The following ADCK2 variants were observed in gnomAD, a reference collection of about 807,000 sequenced individuals.
ADCK2 encodes the protein aarF domain containing kinase 2, also known as uncharacterized aarF domain-containing protein kinase 2.
In ADCK2, 37 loss-of-function variants were observed where a neutral mutation model predicts 52.3. The ratio of observed to expected loss-of-function variants is 0.71; its 90% confidence interval spans 0.54 to 0.93. The LOEUF is 0.93. Ranked by LOEUF, ADCK2 falls within the 40% of genes least tolerant of loss-of-function variation. The pLI is 0.00. For synonymous variants in ADCK2, 321 were observed against 349.2 expected (o/e 0.92, Z 0.90); for missense variants, 695 against 798.7 (o/e 0.87, Z 1.56).
At chr7:140,694,601 C>T in intron 7 of ADCK2, 62 bp from the exon 8 acceptor site, 2 of 1,521,678 alleles carry the variant, frequency 1.3e-6, no homozygotes, top group South Asian at 2.4e-5. Context: ...AGGTGATTAT[C>T]CAGAACACAC....
At chr7:140,691,982 A>G (rs1794716571) in intron 7 of ADCK2, among the ~76,000 whole-genome samples, 1 of 152,186 alleles carries the variant, frequency 6.6e-6, no homozygotes, top group South Asian at 2.1e-4. Context: ...GGAAGAGGAG[A>G]CAGAGGGCCT....
In ADCK2 at chr7:140,674,583, C is replaced by G. The variant is rs1401893069; in HGVS notation, c.934-28C>G. The G allele has an allele frequency of 6.3e-7, 1 of 1,597,586 alleles. No individual in the cohort carries two copies. Among genetic ancestry groups the G allele is most frequent in the African/African-American group, 1.3e-5 (1 of 74,722 alleles). On this transcript the variant is annotated intron_variant, in intron 1 of 7. Transcript: ENST00000072869. The surrounding 1 kb of genome is among the most constrained non-coding windows in gnomAD (Gnocchi z 4.6). The stretch of plus-strand genomic sequence containing the variant: ...GGTAAAATGTGTCCAGCAGGTTTCT[C>G]CTGTCTCACGGTTCCTCTTTCTGAC...
chr7:140,674,673 C>T lies in ADCK2; in HGVS notation c.996C>T (p.Ser332=), dbSNP rs752532902. The T allele has an allele frequency of 1.2e-6, 2 of 1,614,084 alleles. No individual in the cohort carries two copies. The highest frequency in any genetic ancestry group is 3.3e-5 in the Admixed American group (2 of 60,010). ...HMDLLLMKIG[S]RVLGVLPGIK... The stretch of plus-strand genomic sequence containing the variant: ...ACCTGCTGCTGATGAAGATTGGCAG[C>T]CGAGTCCTGGGAGTTTTGCCAGGCA... Residue 332 remains serine, a synonymous_variant, in exon 2 of 8, where the codon AGC becomes AGT. Transcript: ENST00000072869. The surrounding 1 kb of genome is among the most constrained non-coding windows in gnomAD (Gnocchi z 4.6).
chr7:140,684,554 C>T (rs922782225), intron 4 of ADCK2, among the ~76,000 whole-genome samples: 7 of 152,052 alleles, frequency 4.6e-5, no homozygotes, highest in African/African-American at 1.7e-4. Context: ...GTCTCAGAGG[C>T]GAAGAATCAT....
intron 7 of ADCK2, among the ~76,000 whole-genome samples, 165 bp downstream of exon 7, chr7:140,690,978 T>C (rs183906408): frequency 2.0e-4 from 31 of 152,028 alleles, no homozygotes; most frequent in South Asian, 1.7e-3. Flanking sequence ...CAGGGTGGAG[T>C]GCAGTGGCGC....
chr7:140,685,463 A>G (rs1794589941), intron 4 of ADCK2, among the ~76,000 whole-genome samples: 1 of 152,016 alleles, frequency 6.6e-6, no homozygotes, highest in Non-Finnish European at 1.5e-5. Flanking sequence ...AAAAAAAAAA[A>G]AAATGTATAC....
At chr7:140,682,353 G>C (rs1794531099) in intron 4 of ADCK2, among the ~76,000 whole-genome samples, 1 of 152,190 alleles carries the variant, frequency 6.6e-6, no homozygotes, top group African/African-American at 2.4e-5. Context: ...TGTCTAGAGA[G>C]AATAGCCTTT....
Position 140,693,872 on chromosome 7 carries a change from G to C in ADCK2, c.1741-791G>C, listed in dbSNP as rs1336183032. 6.6e-6 allele frequency among the ~76,000 whole-genome samples: 1 copy of C among 152,072 alleles called. No individual in the cohort carries two copies. Among genetic ancestry groups the C allele is most frequent in the Admixed American group, 6.6e-5 (1 of 15,254 alleles). ...CCACAGGCGCCTGCCACCATGCCCG[G>C]CTGATTTTTTGTATTTTTAGTAGAG... On this transcript the variant is annotated intron_variant, in intron 7 of 7. Transcript: ENST00000072869. This position sits in a 1 kb window ranked among gnomAD's most constrained non-coding sequence, Gnocchi z 4.0.
intron 4 of ADCK2, among the ~76,000 whole-genome samples, chr7:140,685,954 G>C (rs1383541886): frequency 6.6e-6 from 1 of 152,160 alleles, no homozygotes; most frequent in Non-Finnish European, 1.5e-5. Flanking sequence ...TGTCCTTCCT[G>C]CTCCTCTAAT....
At position 140,678,031 on chromosome 7, in the gene ADCK2, C is replaced by T. The variant is rs767488931; in HGVS notation, c.1081-1124C>T. Among the ~76,000 whole-genome samples, 3 of 152,020 alleles carry T rather than the reference C, an allele frequency of 2.0e-5. No individual in the cohort carries two copies. The highest frequency in any genetic ancestry group is 4.4e-5 in the Non-Finnish European group (3 of 68,014). ...GGCCAAATCATGACCCACCTGGATG[C>T]CATTCTAAGGAGTGCAGACTTCACC... On this transcript the variant is annotated intron_variant, in intron 2 of 7. Coordinates refer to ENST00000072869, the MANE Select transcript of ADCK2 (RefSeq NM_052853.4). This position sits in a 1 kb window ranked among gnomAD's most constrained non-coding sequence, Gnocchi z 4.9.
At chr7:140,679,662 C>CTTTTTTTTTT (rs57302302) in intron 3 of ADCK2, among the ~76,000 whole-genome samples, 2 of 75,370 alleles carry the variant, frequency 2.7e-5, no homozygotes, top group African/African-American at 4.5e-5. Context: ...CCTTCTCTCT[C>CTTTTTTTTTT]TTTTTTTTTT....
Position 140,687,052 on chromosome 7 carries a change from C to T in ADCK2, c.1368C>T (p.Ala456=). Residue 456 remains alanine, a synonymous_variant, in exon 5 of 8, where the codon GCC becomes GCT. Coordinates refer to ENST00000072869, the MANE Select transcript of ADCK2 (RefSeq NM_052853.4). ...LHPGNILVQG[A]NGLSSSQEAQ... Reference sequence around the variant, plus strand: ...CTGGAAACATCCTGGTTCAGGGTGCCAACGGCCTGTCCTCGAGTCAGGAGG... The same window carrying T: ...CTGGAAACATCCTGGTTCAGGGTGCTAACGGCCTGTCCTCGAGTCAGGAGG... 1 of 1,614,100 alleles carries T rather than the reference C, an allele frequency of 6.2e-7. No individual in the cohort carries two copies. Among genetic ancestry groups the T allele is most frequent in the Non-Finnish European group, 8.5e-7 (1 of 1,180,042 alleles).
At chr7:140,680,508 T>C (rs1245123721) in intron 3 of ADCK2, among the ~76,000 whole-genome samples, 1 of 151,834 alleles carries the variant, frequency 6.6e-6, no homozygotes, top group African/African-American at 2.4e-5. Flanking sequence ...CAGACCCCTA[T>C]TGGCTGATTC....
rs370225185 is a variant in ADCK2 at position 140,674,218 on chromosome 7, T to A, written c.888T>A (p.Pro296=). ...SNAGVSRAQV[P]GHQPEATNLI... ...CAGGGGTGTCTCGGGCTCAGGTCCCTGGCCACCAACCTGAGGCCACCAACC... is the reference window on the plus strand; with the variant it reads ...CAGGGGTGTCTCGGGCTCAGGTCCCAGGCCACCAACCTGAGGCCACCAACC... The change falls in exon 1 of 8, where the codon CCT becomes CCA. Residue 296 remains proline, a synonymous_variant. Transcript: ENST00000072869. This position sits in a 1 kb window ranked among gnomAD's most constrained non-coding sequence, Gnocchi z 4.6. 56 of 1,613,616 alleles carry A rather than the reference T, an allele frequency of 3.5e-5. No individual in the cohort carries two copies. In the African/African-American group the frequency reaches 6.1e-4, roughly 18 times the overall value.
chr7:140,673,744 C>T lies in ADCK2; in HGVS notation c.414C>T (p.Thr138=), dbSNP rs148381137. The T allele has an allele frequency of 1.4e-5, 23 of 1,613,018 alleles. No individual in the cohort carries two copies. Among genetic ancestry groups the T allele is most frequent in the East Asian group, 2.2e-5 (1 of 44,868 alleles). The change falls in exon 1 of 8, where the codon ACC becomes ACT. Residue 138 remains threonine, a synonymous_variant. Coordinates refer to ENST00000072869, the MANE Select transcript of ADCK2 (RefSeq NM_052853.4). This position sits in a 1 kb window ranked among gnomAD's most constrained non-coding sequence, Gnocchi z 6.4. ...GGCTCCACCTGCTTCTGAAAGCCACCGAGACCTCAGGCCCAACCTACATCA... is the reference window on the plus strand; with the variant it reads ...GGCTCCACCTGCTTCTGAAAGCCACTGAGACCTCAGGCCCAACCTACATCA... ...TLWLHLLLKA[T]ETSGPTYIKL...
At chr7:140,684,696 A>G (rs1219528983) in intron 4 of ADCK2, among the ~76,000 whole-genome samples, 2 of 151,982 alleles carry the variant, frequency 1.3e-5, no homozygotes, top group African/African-American at 4.8e-5. Flanking sequence ...CTGCAGGCTG[A>G]CAGCACGCAC....
At chr7:140,680,928 C>G in intron 3 of ADCK2, 114 bp from the exon 4 acceptor site, 1 of 876,976 alleles carries the variant, frequency 1.1e-6, no homozygotes, top group South Asian at 1.5e-5. Context: ...AGGAAATACT[C>G]TTTGGGTTAC....
chr7:140,674,464 T>C lies in ADCK2; in HGVS notation c.934-147T>C, dbSNP rs1794357732. ...AGAGGAAAATGAACTGAGTCTGGAG[T>C]GAACTAACTGCTTGGGTGTCGGGAC... On this transcript the variant is annotated intron_variant, in intron 1 of 7. Coordinates refer to ENST00000072869, the MANE Select transcript of ADCK2 (RefSeq NM_052853.4). The surrounding 1 kb of genome is among the most constrained non-coding windows in gnomAD (Gnocchi z 4.6). The C allele has an allele frequency of 7.9e-6, 9 of 1,140,866 alleles. No individual in the cohort carries two copies. The Admixed American group carries it at 2.6e-4, about 33-fold the overall frequency. 70.7% of individuals were successfully genotyped at this position (1,140,866 alleles called of 1,614,324 possible).
Position 140,674,879 on chromosome 7 carries a change from C to CTAG in ADCK2, c.1080+123_1080+124insAGT. On this transcript the variant is annotated intron_variant, in intron 2 of 7. Coordinates refer to ENST00000072869, the MANE Select transcript of ADCK2 (RefSeq NM_052853.4). The surrounding 1 kb of genome is among the most constrained non-coding windows in gnomAD (Gnocchi z 4.6). ...TCATAACTCATGTGATGTGTTAGAG[C>CTAG]TGGTAACACTAGCTGATAAAGAACA... 3.4e-6 allele frequency: 4 copies of CTAG among 1,177,860 alleles called. No homozygotes were observed. Among genetic ancestry groups the CTAG allele is most frequent in the Non-Finnish European group, 4.6e-6 (4 of 861,372 alleles). 73.0% of individuals were successfully genotyped at this position (1,177,860 alleles called of 1,614,324 possible).
Sources: gnomAD v4.1 joint callset for allele counts (sites outside exome capture counted in the v4.1 genomes callset) on GRCh38, gnomAD v4.1.1 for gene constraint, Gnocchi (gnomAD v3.1) non-coding constraint, MANE v1.5 for transcripts, NCBI Gene and HGNC (gene_info 2026-07-23, HGNC 2026-07-21) for gene names.